Variants in DCLK2 observed in about 807,000 individuals in gnomAD.
DCLK2 encodes serine/threonine-protein kinase DCLK2.
A neutral mutation model predicts 78.4 loss-of-function variants in DCLK2; 31 were observed. The ratio of observed to expected loss-of-function variants is 0.40; its 90% CI spans 0.30 to 0.53. The LOEUF is 0.53. DCLK2 is among the 20% of genes least tolerant of loss of function. The pLI is 0.61. For synonymous variants in DCLK2, 407 were observed against 374.9 expected, an observed-to-expected ratio of 1.09 and a Z score of -0.99; for missense variants, 872 against 973.7, an observed-to-expected ratio of 0.90 and a Z score of 1.39.
chr4:150,226,191 GA>G lies in DCLK2; in HGVS notation c.1299+1635del, dbSNP rs199917340. ...TTAGAAAAATCTTCTCAGAACTCCA[GA>G]ATGGAAAATCCAGGAGGCAAATTTG... On this transcript the variant is annotated intron_variant, in intron 8 of 15. Coordinates refer to ENST00000296550, the MANE Select transcript of DCLK2 (RefSeq NM_001040260.4). 4.0e-3 allele frequency among the ~76,000 whole-genome samples: 593 copies of G among 149,402 alleles called. 2 individuals are homozygous for G. Among genetic ancestry groups the G allele is most frequent in the Non-Finnish European group, 6.9e-3 (469 of 67,640 alleles).
intron 1 of DCLK2, among the ~76,000 whole-genome samples, chr4:150,096,028 A>G (rs1236984181): frequency 1.3e-5 from 2 of 152,232 alleles, no homozygotes; most frequent in Non-Finnish European, 2.9e-5. Flanking sequence ...TAGAGAGACA[A>G]GAAAATCAAA....
At chr4:150,116,006 A>C (rs926192505) in intron 2 of DCLK2, among the ~76,000 whole-genome samples, 1 of 152,204 alleles carries the variant, frequency 6.6e-6, no homozygotes, top group Non-Finnish European at 1.5e-5. Flanking sequence ...CTTCCCTGCC[A>C]CACCAGCAGG....
intron 2 of DCLK2, among the ~76,000 whole-genome samples, chr4:150,140,072 G>A (rs1432273310): frequency 6.6e-6 from 1 of 152,084 alleles, no homozygotes; most frequent in Non-Finnish European, 1.5e-5. Context: ...ATGAACCATT[G>A]TATATAATAG....
At chr4:150,151,649 G>T (rs1288654014) in intron 2 of DCLK2, among the ~76,000 whole-genome samples, 1 of 152,168 alleles carries the variant, frequency 6.6e-6, no homozygotes, top group Non-Finnish European at 1.5e-5. Context: ...TCTGGGCCGG[G>T]TGCGGTGGCT....
In DCLK2 at chr4:150,175,011, A is replaced by AAATATATATATATATAT. The variant is rs1454035697; in HGVS notation, c.757-18126_757-18125insATATATATATATATATA. ...AGACTCCGTCGCAAAAAAAAAAAAA[A>AAATATATATATATATAT]ATATATATATATATATATATATTTA... On this transcript the variant is annotated intron_variant, in intron 2 of 15. Transcript: ENST00000296550. 6.0e-4 allele frequency among the ~76,000 whole-genome samples: 6 copies of AAATATATATATATATAT among 9,976 alleles called. 2 individuals carry two copies. Among genetic ancestry groups the AAATATATATATATATAT allele is most frequent in the African/African-American group, 1.1e-3 (4 of 3,794 alleles). 6.5% of individuals were successfully genotyped at this position (9,976 alleles called of 152,430 possible). A position where few individuals can be genotyped will look rare whatever the true frequency, so the allele number is the denominator to read the frequency against.
intron 7 of DCLK2, among the ~76,000 whole-genome samples, chr4:150,222,413 A>G (rs1414997260): frequency 5.9e-5 from 9 of 152,194 alleles, no homozygotes. Flanking sequence ...CATCTCCTAT[A>G]TTTACCGGTG....
intron 15 of DCLK2, chr4:150,253,234 G>A (rs374514139): frequency 5.7e-6 from 3 of 523,814 alleles, no homozygotes; most frequent in East Asian, 1.1e-4. Context: ...TCATAACTGA[G>A]ACTGTGGGGC....
intron 12 of DCLK2, among the ~76,000 whole-genome samples, chr4:150,246,881 C>G (rs942212065): frequency 6.6e-6 from 1 of 152,136 alleles, no homozygotes; most frequent in African/African-American, 2.4e-5. Flanking sequence ...ATGGGTTTGC[C>G]TCAGCCTGTG....
chr4:150,144,558 T>C (rs950739546), intron 2 of DCLK2, among the ~76,000 whole-genome samples: 9 of 152,198 alleles, frequency 5.9e-5, no homozygotes, highest in African/African-American at 1.7e-4. Context: ...CTTTGACTGA[T>C]TGGGGGGTTT....
At chr4:150,210,457 T>C (rs910357736) in intron 5 of DCLK2, among the ~76,000 whole-genome samples, 2 of 152,172 alleles carry the variant, frequency 1.3e-5, no homozygotes, top group African/African-American at 4.8e-5. Context: ...CACCTCTGCT[T>C]TCCTGCCCTC....
intron 2 of DCLK2, among the ~76,000 whole-genome samples, chr4:150,119,586 A>C (rs186967575): frequency 6.6e-6 from 1 of 152,154 alleles, no homozygotes; most frequent in African/African-American, 2.4e-5. Flanking sequence ...TGAAATTCCT[A>C]TTGTGTAAAT....
At chr4:150,178,617 A>G (rs1737261610) in intron 2 of DCLK2, among the ~76,000 whole-genome samples, 1 of 152,228 alleles carries the variant, frequency 6.6e-6, no homozygotes. Flanking sequence ...GTGAAAACAG[A>G]TGCAGCTATA....
At chr4:150,172,607 CAAAAAAAAAAAAAA>C (rs34267089) in intron 2 of DCLK2, among the ~76,000 whole-genome samples, 1 of 70,152 alleles carries the variant, frequency 1.4e-5, no homozygotes, top group Non-Finnish European at 2.7e-5. Flanking sequence ...GACTCCGTCT[CAAAAAAAAAAAAAA>C]AAAAAAAAGA....
Position 150,172,764 on chromosome 4 carries a change from G to C in DCLK2, c.757-20374G>C, listed in dbSNP as rs867739423. Among the ~76,000 whole-genome samples the C allele has an allele frequency of 3.0e-4, 38 of 128,088 alleles. 1 individual carries two copies. Among genetic ancestry groups the C allele is most frequent in the Admixed American group, 9.0e-4 (12 of 13,376 alleles). The allele number at this position is 128,088 out of a possible 152,430, so 84.0% of individuals were successfully genotyped here. A position where few individuals can be genotyped will look rare whatever the true frequency, so the allele number is the denominator to read the frequency against. Reference sequence around the variant, plus strand: ...AGAGAGTGTTCTTTTTTTTTTTGGGGGGGGGGGGGATACCTTGCTCTTTCT... The same window carrying C: ...AGAGAGTGTTCTTTTTTTTTTTGGGCGGGGGGGGGATACCTTGCTCTTTCT... On this transcript the variant is annotated intron_variant, in intron 2 of 15. Transcript: ENST00000296550.
intron 2 of DCLK2, among the ~76,000 whole-genome samples, chr4:150,171,946 A>G (rs1475208290): frequency 6.6e-6 from 1 of 152,242 alleles, no homozygotes; most frequent in Non-Finnish European, 1.5e-5. Context: ...AAATGCGTGC[A>G]TCTTGTGACA....
chr4:150,163,125 C>T (rs556800183), intron 2 of DCLK2, among the ~76,000 whole-genome samples: 12 of 152,170 alleles, frequency 7.9e-5, no homozygotes, highest in South Asian at 6.2e-4. Context: ...AGGCTGGGCT[C>T]GGTGGCTCAC....
chr4:150,211,006 C>G (rs1740267450), intron 5 of DCLK2, among the ~76,000 whole-genome samples: 2 of 145,918 alleles, frequency 1.4e-5, no homozygotes, highest in Non-Finnish European at 3.0e-5. Flanking sequence ...CAGCTTAAAA[C>G]AAAAGAAGTA....
Position 150,256,196 on chromosome 4 carries a change from C to A in DCLK2, c.2250C>A (p.Pro750=), listed in dbSNP as rs756562043. ...PPESPTPHPP[P]AAPGGERAGT... ...AATCTCCCACCCCCCACCCTCCTCC[C>A]GCTGCCCCGGGTGGTGAGCGGGCAG... The change falls in exon 16 of 16, where the codon CCC becomes CCA. Residue 750 remains proline (P), a synonymous_variant. Transcript: ENST00000296550. 1 of 1,548,636 alleles carries A rather than the reference C, an allele frequency of 6.5e-7. No individual in the cohort carries two copies. Among genetic ancestry groups the A allele is most frequent in the South Asian group, 1.2e-5 (1 of 83,922 alleles).
intron 2 of DCLK2, among the ~76,000 whole-genome samples, chr4:150,114,790 G>A (rs749563782): frequency 9.2e-5 from 14 of 152,154 alleles, no homozygotes; most frequent in African/African-American, 1.7e-4. Flanking sequence ...TATAGGTTAC[G>A]TGATGCTTTT....
Sources: gnomAD v4.1 joint callset for allele counts (sites outside exome capture counted in the v4.1 genomes callset) on GRCh38, gnomAD v4.1.1 for gene constraint, MANE v1.5 for transcripts, NCBI Gene and HGNC (gene_info 2026-07-23, HGNC 2026-07-21) for gene names.